The following WAPL variants were observed in gnomAD, a reference collection of about 807,000 sequenced individuals.
WAPL encodes WAPL cohesin release factor, also known as wings apart-like protein homolog.
WAPL carries 5 observed loss-of-function variants against 121.0 expected under a neutral mutation model. The ratio of observed to expected loss-of-function variants is 0.04; its 90% CI spans 0.02 to 0.09. WAPL has a LOEUF of 0.09. Ranked by LOEUF, WAPL falls within the 10% of genes least tolerant of loss-of-function variation. WAPL has a pLI of 1.00. For synonymous variants in WAPL, 480 were observed against 481.5 expected (o/e 1.00, Z 0.04); for missense variants, 999 against 1,410.8 (o/e 0.71, Z 4.68).
At position 86,449,365 on chromosome 10, in the gene WAPL, G is replaced by A. The variant is rs113085745; in HGVS notation, c.3114+2602C>T. ...AAGGCAGCACAATTTTCTAAAATGA[G>A]TAACAGAACCCATCACCCAAAAGGT... On this transcript the variant is annotated intron_variant, in intron 15 of 18. Transcript: ENST00000298767. 1.9e-3 allele frequency among the ~76,000 whole-genome samples: 292 copies of A among 152,236 alleles called. 3 individuals are homozygous for A. Among genetic ancestry groups the A allele is most frequent in the South Asian group, 9.5e-3 (46 of 4,826 alleles).
intron 4 of WAPL, among the ~76,000 whole-genome samples, chr10:86,480,715 C>G (rs1841763318): frequency 6.6e-6 from 1 of 152,222 alleles, no homozygotes; most frequent in South Asian, 2.1e-4. Context: ...GACAAATGCT[C>G]ACATAGATTT....
At chr10:86,483,390 A>T (rs1339867842) in intron 4 of WAPL, among the ~76,000 whole-genome samples, 1 of 152,006 alleles carries the variant, frequency 6.6e-6, no homozygotes. Flanking sequence ...ACTGCACTCC[A>T]GCCTGGACAA....
In WAPL at chr10:86,451,818, A is replaced by G. The variant is rs12258856; in HGVS notation, c.3114+149T>C. The G allele has an allele frequency of 2.2e-3, 1,684 of 756,376 alleles. 24 individuals are homozygous for G. In the African/African-American group the frequency reaches 0.025, roughly 11 times the overall value. The allele number at this position is 756,376 out of a possible 1,614,324, so 46.9% of individuals were successfully genotyped here. A position where few individuals can be genotyped will look rare whatever the true frequency, so the allele number is the denominator to read the frequency against. On this transcript the variant is annotated intron_variant, in intron 15 of 18. Coordinates refer to ENST00000298767, the MANE Select transcript of WAPL (RefSeq NM_015045.5). The stretch of plus-strand genomic sequence containing the variant: ...TTCTACCCCAGCAGAGACATGCTTC[A>G]GGAGTTCTAACTAAAAAGGCCGGGG...
chr10:86,507,995 T>TTATCCAATATTCTG (rs1249249747), intron 2 of WAPL, among the ~76,000 whole-genome samples: 2 of 152,152 alleles, frequency 1.3e-5, no homozygotes, highest in African/African-American at 4.8e-5. Context: ...TCTAATAATC[T>TTATCCAATATTCTG]TATCCAATAT....
In WAPL at chr10:86,499,805, T is replaced by C; in HGVS notation, c.1438A>G (p.Thr480Ala). The C allele has an allele frequency of 1.2e-6, 2 of 1,613,494 alleles. No homozygotes were observed. Among genetic ancestry groups the C allele is most frequent in the South Asian group, 2.2e-5 (2 of 90,914 alleles). The change falls in exon 3 of 19, where the codon ACT becomes GCT. Residue 480 changes from threonine (T) to alanine (A), a missense_variant. Physicochemically the swap from Thr to Ala is moderately conservative, Grantham distance 58. This residue lies in a region of WAPL where 531 missense variants were observed against 563.1 expected (regional missense o/e 0.94). Transcript: ENST00000298767. ...QVERKTSKKRTKTAPSPSLQP... is the reference protein window; with the variant it reads ...QVERKTSKKRAKTAPSPSLQP... ...AAGGAGGGTGATGGAGCTGTTTTAG[T>C]TCTTTTTTTGCTTGTCTTTCTTTCT...
chr10:86,450,272 G>A (rs1215260088), intron 15 of WAPL, among the ~76,000 whole-genome samples: 1 of 152,166 alleles, frequency 6.6e-6, no homozygotes. Context: ...GTCTCACTCT[G>A]TTGCCCAGGC....
intron 2 of WAPL, among the ~76,000 whole-genome samples, chr10:86,504,654 A>C (rs1181682984): frequency 1.3e-5 from 2 of 151,478 alleles, no homozygotes; most frequent in Non-Finnish European, 2.9e-5. Flanking sequence ...TCAGTCTCAA[A>C]AAAAAAAAGA....
rs543784107 is a variant in WAPL at position 86,453,780 on chromosome 10, G to A, written c.2709C>T (p.Asp903=). The A allele has an allele frequency of 3.1e-6, 5 of 1,614,000 alleles. No individual in the cohort carries two copies. The African/African-American group carries it at 5.3e-5, about 17-fold the overall frequency. ...ELIQQYNRAE[D]SICLADSKPL... is the part of the protein sequence containing the mutation. ...GCTTACTGTCAGCTAAGCATATGCT[G>A]TCCTCAGCACGGTTGTACTGCTGAA... The change falls in exon 13 of 19, where the codon GAC becomes GAT. Residue 903 remains aspartate (D), a synonymous_variant. Coordinates refer to ENST00000298767, the MANE Select transcript of WAPL (RefSeq NM_015045.5).
At chr10:86,476,256 T>C (rs571351367) in intron 4 of WAPL, among the ~76,000 whole-genome samples, 7 of 151,934 alleles carry the variant, frequency 4.6e-5, no homozygotes, top group African/African-American at 1.7e-4. Context: ...TCCCAGCTAC[T>C]TGGGAGGCTG....
intron 2 of WAPL, among the ~76,000 whole-genome samples, chr10:86,514,355 T>C (rs529466394): frequency 6.6e-6 from 1 of 152,340 alleles, no homozygotes; most frequent in East Asian, 1.9e-4. Context: ...GAAAATTAAA[T>C]GCACTCCCTC....
chr10:86,520,236 G>C (rs1023085928), intron 1 of WAPL, among the ~76,000 whole-genome samples: 4 of 152,104 alleles, frequency 2.6e-5, no homozygotes, highest in Non-Finnish European at 2.9e-5. Flanking sequence ...CGGAGGTTGC[G>C]GTGAGCTGAG....
chr10:86,453,127 TA>T (rs953081221), intron 14 of WAPL, 92 bp downstream of exon 14: 1 of 832,380 alleles, frequency 1.2e-6, no homozygotes, highest in Non-Finnish European at 1.8e-6. Context: ...CACAATATAT[TA>T]AAGGGTTGGT....
chr10:86,511,200 G>T (rs577088905), intron 2 of WAPL, among the ~76,000 whole-genome samples: 1 of 152,288 alleles, frequency 6.6e-6, no homozygotes, highest in East Asian at 1.9e-4. Context: ...TCAGAAGGCT[G>T]AGGCAGGAGG....
chr10:86,449,349 C>T (rs1021306912), intron 15 of WAPL, among the ~76,000 whole-genome samples: 1 of 152,146 alleles, frequency 6.6e-6, no homozygotes, highest in Admixed American at 6.5e-5. Context: ...CAAGGCAGCA[C>T]AATTTTCTAA....
chr10:86,437,892 C>A, intron 18 of WAPL, 28 bp downstream of exon 18: 2 of 1,508,794 alleles, frequency 1.3e-6, no homozygotes, highest in South Asian at 2.3e-5. Context: ...AATTTAAAAT[C>A]ATATAAGCTG....
At chr10:86,478,516 A>C (rs944783849) in intron 4 of WAPL, among the ~76,000 whole-genome samples, 5 of 152,218 alleles carry the variant, frequency 3.3e-5, no homozygotes, top group Admixed American at 6.5e-5. Flanking sequence ...TCATAATAAT[A>C]ATCTAACATT....
intron 3 of WAPL, among the ~76,000 whole-genome samples, 176 bp downstream of exon 3, chr10:86,499,542 A>C (rs1285987694): frequency 6.6e-6 from 1 of 152,230 alleles, no homozygotes; most frequent in African/African-American, 2.4e-5. Context: ...AGAATAGAAC[A>C]ATGATTTTAA....
intron 1 of WAPL, among the ~76,000 whole-genome samples, chr10:86,520,087 G>T (rs934291756): frequency 6.6e-5 from 10 of 152,232 alleles, no homozygotes; most frequent in African/African-American, 2.2e-4. Context: ...CCTGAGGCCA[G>T]GAGTTCGAGA....
intron 4 of WAPL, among the ~76,000 whole-genome samples, chr10:86,481,384 T>C (rs1389455263): frequency 2.6e-5 from 4 of 152,174 alleles, no homozygotes. Context: ...AAAAAAAATT[T>C]TTTTTTGAGA....
Sources: gnomAD v4.1 joint callset for allele counts (sites outside exome capture counted in the v4.1 genomes callset) on GRCh38, gnomAD v4.1.1 for gene constraint, gnomAD v4.1.1 regional missense constraint, MANE v1.5 for transcripts, NCBI Gene and HGNC (gene_info 2026-07-23, HGNC 2026-07-21) for gene names.